The following CUL5 variants were observed in gnomAD, a reference collection of about 807,000 sequenced individuals.
CUL5 encodes cullin-5.
Under a neutral mutation model 108.8 loss-of-function variants are expected in CUL5, and 26 were observed. The observed-to-expected ratio is 0.24, with a 90% confidence interval of 0.18 to 0.33. The LOEUF is 0.33. CUL5 is among the 10% of genes least tolerant of loss of function. The probability of loss-of-function intolerance (pLI) is 1.00; values close to 1 mark genes in which losing one functional copy is unlikely to be tolerated. For synonymous variants in CUL5, 334 were observed against 298.0 expected (o/e 1.12, Z -1.25); for missense variants, 524 against 909.2 (o/e 0.58, Z 5.45).
Position 108,089,479 on chromosome 11 carries a change from A to G in CUL5, c.1312-13A>G. 2 of 1,532,492 alleles carry G rather than the reference A, an allele frequency of 1.3e-6. No homozygotes were observed. The highest frequency in any genetic ancestry group is 2.3e-5 in the Admixed American group (1 of 42,902). The allele number at this position is 1,532,492 out of a possible 1,614,324, so 94.9% of individuals were successfully genotyped here. ...GTATATAAGAACTGAAAGTAACTTT[A>G]TTTTTCATACAGCTCTTGGTACTTA... On this transcript the variant is annotated splice_polypyrimidine_tract_variant and intron_variant, in intron 12 of 18. Coordinates refer to ENST00000393094, the MANE Select transcript of CUL5 (RefSeq NM_003478.6).
chr11:108,087,505 A>G lies in CUL5; in HGVS notation c.1179-1022A>G, dbSNP rs77978059. On this transcript the variant is annotated intron_variant, in intron 11 of 18. Coordinates refer to ENST00000393094, the MANE Select transcript of CUL5 (RefSeq NM_003478.6). Reference sequence around the variant, plus strand: ...AGACTTTCAAGCATGAAAATACAATATACTGCTGGGTGCAGTGGCATGCAC... The same window carrying G: ...AGACTTTCAAGCATGAAAATACAATGTACTGCTGGGTGCAGTGGCATGCAC... Among the ~76,000 whole-genome samples the G allele has an allele frequency of 4.3e-3, 655 of 152,316 alleles. 8 individuals are homozygous for G. Among genetic ancestry groups the G allele is most frequent in the African/African-American group, 0.014 (575 of 41,560 alleles).
At chr11:108,027,547 C>T (rs1374231723) in intron 1 of CUL5, among the ~76,000 whole-genome samples, 1 of 152,026 alleles carries the variant, frequency 6.6e-6, no homozygotes, top group East Asian at 1.9e-4. Context: ...GCTGGGATTA[C>T]ATGTGTGAGC....
Position 108,097,665 on chromosome 11 carries a change from G to A in CUL5, c.1935G>A (p.Arg645=). 5 of 1,612,944 alleles carry A rather than the reference G, an allele frequency of 3.1e-6. No homozygotes were observed. The highest frequency in any genetic ancestry group is 4.2e-6 in the Non-Finnish European group (5 of 1,179,166). Residue 645 remains arginine (R), a synonymous_variant, in exon 17 of 19, where the codon CGG becomes CGA. Transcript: ENST00000393094. ...WSLVAFPKLK[R]QVLLYEPQVN... is the part of the protein sequence containing the mutation. ...TAGTAGCTTTCCCAAAACTCAAACGGCAAGTTTTGTTGTATGAACCTCAAG... is the reference window on the plus strand; with the variant it reads ...TAGTAGCTTTCCCAAAACTCAAACGACAAGTTTTGTTGTATGAACCTCAAG...
intron 1 of CUL5, among the ~76,000 whole-genome samples, chr11:108,022,576 G>A (rs1862353099): frequency 3.3e-5 from 5 of 152,044 alleles, no homozygotes; most frequent in Admixed American, 3.3e-4. Context: ...ATTTCTGGCT[G>A]ATAACACTTA....
At chr11:108,090,610 T>G (rs1316786032) in intron 13 of CUL5, among the ~76,000 whole-genome samples, 1 of 152,214 alleles carries the variant, frequency 6.6e-6, no homozygotes, top group African/African-American at 2.4e-5. Context: ...TACTTCTGTA[T>G]AGCAAAAAGA....
At position 108,106,197 on chromosome 11, in the gene CUL5, T is replaced by C. The variant is rs1418426981; in HGVS notation, c.*1813T>C. The C allele has an allele frequency of 1.3e-5, 2 of 152,606 alleles. No homozygotes were observed. The highest frequency in any genetic ancestry group is 1.9e-4 in the East Asian group (1 of 5,202). 9.5% of individuals were successfully genotyped at this position (152,606 alleles called of 1,614,324 possible). The stretch of plus-strand genomic sequence containing the variant: ...AATTTTGTAGTAATTGTGGCCCTTA[T>C]GTTTAACAGATAATTCAGCATTGGC... On this transcript the variant is annotated 3_prime_UTR_variant, in exon 19 of 19. Coordinates refer to ENST00000393094, the MANE Select transcript of CUL5 (RefSeq NM_003478.6).
chr11:108,096,982 A>G (rs1461515171), intron 16 of CUL5, among the ~76,000 whole-genome samples: 2 of 152,210 alleles, frequency 1.3e-5, no homozygotes, highest in South Asian at 2.1e-4. Context: ...CCTGCTCACA[A>G]CTACATTTTA....
intron 7 of CUL5, among the ~76,000 whole-genome samples, chr11:108,063,182 A>G (rs1223318879): frequency 6.6e-6 from 1 of 151,528 alleles, no homozygotes; most frequent in Non-Finnish European, 1.5e-5. Flanking sequence ...AACCATCCCT[A>G]TTTCTCCCCC....
chr11:108,073,505 T>C lies in CUL5; in HGVS notation c.1113+8T>C. On this transcript the variant is annotated splice_region_variant and intron_variant, in intron 10 of 18. Transcript: ENST00000393094. ...CTTACTGCAAGAGATAAGGTATATA[T>C]TCCTATATATATAAAAAACACTTTT... 1.6e-6 allele frequency: 2 copies of C among 1,266,970 alleles called. No homozygotes were observed. Among genetic ancestry groups the C allele is most frequent in the East Asian group, 2.4e-5 (1 of 42,230 alleles). 78.5% of individuals were successfully genotyped at this position (1,266,970 alleles called of 1,614,324 possible). A position where few individuals can be genotyped will look rare whatever the true frequency, so the allele number is the denominator to read the frequency against.
chr11:108,015,392 G>A (rs76466935), intron 1 of CUL5, among the ~76,000 whole-genome samples: 1,526 of 152,296 alleles, frequency 0.01, 33 homozygotes, highest in African/African-American at 0.035. Context: ...GAATATCATC[G>A]GTGAATGTGG....
intron 11 of CUL5, among the ~76,000 whole-genome samples, chr11:108,082,023 A>G (rs1864099651): frequency 6.6e-6 from 1 of 152,218 alleles, no homozygotes; most frequent in Non-Finnish European, 1.5e-5. Context: ...TTGATAGGAA[A>G]TGCATTGAAT....
intron 1 of CUL5, among the ~76,000 whole-genome samples, chr11:108,026,469 C>CA (rs1435770922): frequency 2.6e-5 from 4 of 152,156 alleles, no homozygotes; most frequent in Non-Finnish European, 5.9e-5. Flanking sequence ...ATGAACTTCT[C>CA]AGAGTCGTAC....
intron 2 of CUL5, among the ~76,000 whole-genome samples, chr11:108,037,942 A>C (rs1862787880): frequency 6.6e-6 from 1 of 152,238 alleles, no homozygotes; most frequent in Admixed American, 6.5e-5. Flanking sequence ...TGTATCAATG[A>C]ATTATAGATG....
chr11:108,094,705 C>A, intron 14 of CUL5, 107 bp from the exon 15 acceptor site: 1 of 970,514 alleles, frequency 1.0e-6, no homozygotes, highest in Non-Finnish European at 1.5e-6. Flanking sequence ...ACACTTTTAA[C>A]AAAATCTTTA....
intron 7 of CUL5, among the ~76,000 whole-genome samples, chr11:108,058,231 A>T (rs1863443597): frequency 2.2e-5 from 3 of 133,440 alleles, no homozygotes; most frequent in African/African-American, 2.7e-5. Context: ...AAAAAAGAAT[A>T]TTATGAAGAG....
intron 13 of CUL5, 143 bp downstream of exon 13, chr11:108,089,766 G>T (rs538711009): frequency 2.1e-6 from 1 of 487,092 alleles, no homozygotes; most frequent in South Asian, 3.8e-5. Context: ...TAGGCCGGGC[G>T]CACTGGCTCA....
chr11:108,061,519 A>C (rs1477852775), intron 7 of CUL5, among the ~76,000 whole-genome samples: 2 of 152,214 alleles, frequency 1.3e-5, no homozygotes, highest in African/African-American at 2.4e-5. Context: ...AGAAAATACT[A>C]TAATGAACGC....
chr11:108,094,608 T>G, intron 14 of CUL5, 94 bp downstream of exon 14: 1 of 860,998 alleles, frequency 1.2e-6, no homozygotes, highest in Non-Finnish European at 1.7e-6. Flanking sequence ...CAGTAATAGA[T>G]CGAAAGATGT....
At chr11:108,079,794 A>G (rs953560234) in intron 11 of CUL5, among the ~76,000 whole-genome samples, 5 of 152,182 alleles carry the variant, frequency 3.3e-5, no homozygotes, top group Admixed American at 6.5e-5. Flanking sequence ...AATTCCCTCA[A>G]TATAGATTAG....
Sources: allele counts gnomAD v4.1 joint callset (sites outside exome capture counted in the v4.1 genomes callset), GRCh38; gene constraint gnomAD v4.1.1; transcripts MANE v1.5; gene names NCBI Gene and HGNC (gene_info 2026-07-23, HGNC 2026-07-21).